The following TMEM123 variants were observed in gnomAD, a reference collection of about 807,000 sequenced individuals.
TMEM123 encodes the protein porimin.
In TMEM123, 16 loss-of-function variants were observed where a neutral mutation model predicts 19.7. That is an observed-to-expected ratio of 0.81 (90% confidence interval 0.55 to 1.23). The LOEUF (loss-of-function observed/expected upper bound fraction) is 1.23. Ranked by LOEUF, TMEM123 falls within the 50% of genes most tolerant of loss-of-function variation. TMEM123 has a pLI of 0.00. For missense variants in TMEM123, 313 were observed against 257.8 expected (o/e 1.21, Z -1.47); for synonymous variants, 118 against 99.4 (o/e 1.19, Z -1.12).
At chr11:102,446,597 T>A (rs1857885751) in intron 2 of TMEM123, among the ~76,000 whole-genome samples, 1 of 152,190 alleles carries the variant, frequency 6.6e-6, no homozygotes, top group Non-Finnish European at 1.5e-5. Context: ...ACAATTGAGT[T>A]CAACCAACCA....
In TMEM123 at chr11:102,398,900, T is replaced by C. The variant is rs370213683; in HGVS notation, c.603-9A>G. 2.5e-6 allele frequency: 4 copies of C among 1,605,838 alleles called. No homozygotes were observed. The highest frequency in any genetic ancestry group is 2.7e-5 in the African/African-American group (2 of 74,508). ...TGGCATCATGTTCATCTCTGTAATATATTAAAAGTTACAATTACTTTGTTT... is the reference window on the plus strand; with the variant it reads ...TGGCATCATGTTCATCTCTGTAATACATTAAAAGTTACAATTACTTTGTTT... On this transcript the variant is annotated splice_polypyrimidine_tract_variant and intron_variant, in intron 4 of 4. Transcript: ENST00000398136.
chr11:102,416,178 G>A (rs1952042928), intron 2 of TMEM123, among the ~76,000 whole-genome samples: 1 of 152,204 alleles, frequency 6.6e-6, no homozygotes, highest in African/African-American at 2.4e-5. Context: ...GCCTCCCAAA[G>A]TGTTGGGATT....
intron 2 of TMEM123, among the ~76,000 whole-genome samples, chr11:102,413,126 GAGTA>G (rs1565349377): frequency 2.0e-5 from 3 of 152,144 alleles, no homozygotes; most frequent in African/African-American, 7.2e-5. Context: ...TTTGATGTGA[GAGTA>G]AGCTTAAAAA....
chr11:102,400,401 G>A (rs904850056), intron 4 of TMEM123, among the ~76,000 whole-genome samples: 2 of 152,060 alleles, frequency 1.3e-5, no homozygotes, highest in African/African-American at 4.8e-5. Flanking sequence ...AAGTCTTATA[G>A]TAAACTGTCT....
chr11:102,415,293 A>G (rs1952035481), intron 2 of TMEM123, among the ~76,000 whole-genome samples: 2 of 152,198 alleles, frequency 1.3e-5, no homozygotes, highest in Non-Finnish European at 2.9e-5. Context: ...GAAAACTAAC[A>G]AAGATATTTG....
chr11:102,398,228 TA>T lies in TMEM123; in HGVS notation c.*638del, dbSNP rs1313026746. On this transcript the variant is annotated 3_prime_UTR_variant, in exon 5 of 5. Coordinates refer to ENST00000398136, the MANE Select transcript of TMEM123 (RefSeq NM_052932.3). ...GAAGTTAATAAAAATATGTGCTCCT[TA>T]ATGCTCCAATGGATCCCTAACAGGG... The T allele has an allele frequency of 1.0e-5, 2 of 193,874 alleles. No individual in the cohort carries two copies. Among genetic ancestry groups the T allele is most frequent in the Middle Eastern group, 1.9e-3 (1 of 516 alleles). 12.0% of individuals were successfully genotyped at this position (193,874 alleles called of 1,614,324 possible). A position where few individuals can be genotyped will look rare whatever the true frequency, so the allele number is the denominator to read the frequency against.
At chr11:102,445,811 A>G (rs749085435) in intron 2 of TMEM123, among the ~76,000 whole-genome samples, 34 of 152,214 alleles carry the variant, frequency 2.2e-4, no homozygotes, top group Non-Finnish European at 4.6e-4. Flanking sequence ...CATTTTTAAA[A>G]TAAGACCCTC....
At chr11:102,433,118 C>CA (rs1857728945) in intron 2 of TMEM123, among the ~76,000 whole-genome samples, 1 of 152,100 alleles carries the variant, frequency 6.6e-6, no homozygotes, top group African/African-American at 2.4e-5. Flanking sequence ...CCCACTGGGG[C>CA]ACTGCCTAGT....
At chr11:102,430,650 G>A (rs976348875) in intron 2 of TMEM123, among the ~76,000 whole-genome samples, 1 of 152,210 alleles carries the variant, frequency 6.6e-6, no homozygotes, top group African/African-American at 2.4e-5. Flanking sequence ...AACCAAAAAG[G>A]TAAGTGTGGC....
intron 2 of TMEM123, among the ~76,000 whole-genome samples, chr11:102,408,785 A>AG (rs1183416198): frequency 6.6e-6 from 1 of 152,190 alleles, no homozygotes; most frequent in Non-Finnish European, 1.5e-5. Flanking sequence ...AGAACACACT[A>AG]CTGGGATATT....
Position 102,402,136 on chromosome 11 carries a change from T to C in TMEM123, c.228A>G (p.Ser76=), listed in dbSNP as rs770921490. ...TSNSTVKPPT[S]VASDSSNTTV... ...TTGTATTACTGGAGTCTGAGGCAAC[T>C]GAAGTTGGTGGTTTCACAGTACTGT... The change falls in exon 3 of 5, where the codon TCA becomes TCG. Residue 76 remains serine, a synonymous_variant. Transcript: ENST00000398136. The C allele has an allele frequency of 3.7e-6, 6 of 1,614,056 alleles. No homozygotes were observed. Among genetic ancestry groups the C allele is most frequent in the Non-Finnish European group, 5.1e-6 (6 of 1,180,036 alleles).
At chr11:102,441,820 G>C (rs948734740) in intron 2 of TMEM123, among the ~76,000 whole-genome samples, 25 of 151,552 alleles carry the variant, frequency 1.6e-4, no homozygotes, top group Middle Eastern at 6.8e-3. Context: ...TAATAAAGAA[G>C]AAAAGAGAGA....
intron 1 of TMEM123, 53 bp downstream of exon 1, chr11:102,452,471 C>G: frequency 2.9e-6 from 4 of 1,363,922 alleles, no homozygotes; most frequent in Non-Finnish European, 3.8e-6. Flanking sequence ...ACCCAAGCCT[C>G]GGCAGCGCGC....
intron 2 of TMEM123, among the ~76,000 whole-genome samples, chr11:102,433,296 T>C (rs1435749368): frequency 1.3e-5 from 2 of 151,958 alleles, no homozygotes; most frequent in Non-Finnish European, 2.9e-5. Context: ...CTCAAGGACA[T>C]GGGAGCCCAC....
chr11:102,425,562 G>GTT (rs796386801), intron 2 of TMEM123, among the ~76,000 whole-genome samples: 13 of 118,104 alleles, frequency 1.1e-4, no homozygotes, highest in Admixed American at 1.7e-4. Flanking sequence ...CTCCAGGATT[G>GTT]TTTTTTTTTT....
intron 2 of TMEM123, among the ~76,000 whole-genome samples, chr11:102,441,670 A>G (rs904684957): frequency 6.6e-6 from 1 of 152,146 alleles, no homozygotes; most frequent in African/African-American, 2.4e-5. Context: ...AAAAGCTAGC[A>G]GAAGGCAAGA....
chr11:102,409,170 T>C (rs1951981098), intron 2 of TMEM123, among the ~76,000 whole-genome samples: 1 of 152,158 alleles, frequency 6.6e-6, no homozygotes, highest in Non-Finnish European at 1.5e-5. Flanking sequence ...TATTTTTAAA[T>C]GGGACAGTAG....
In TMEM123 at chr11:102,401,581, C is replaced by G. The variant is rs981345018; in HGVS notation, c.560G>C (p.Cys187Ser). 6.9e-6 allele frequency: 11 copies of G among 1,598,816 alleles called. No homozygotes were observed. In the African/African-American group the frequency reaches 1.4e-4, roughly 20 times the overall value. ...GCCTCTTCTTGAGTAATACATTTTG[C>G]ATCCAATGTAAAGAATAGATAAAAC... ...LGVLSILYIG[C>S]KMYYSRRGIR... The change falls in exon 4 of 5, where the codon TGC (cysteine) becomes TCC (serine). Residue 187 changes from cysteine (C) to serine (S), a missense_variant. Physicochemically the swap from Cys to Ser is moderately radical, Grantham distance 112 (BLOSUM62 -1). Coordinates refer to ENST00000398136, the MANE Select transcript of TMEM123 (RefSeq NM_052932.3).
At chr11:102,413,106 A>G (rs2135848505) in intron 2 of TMEM123, among the ~76,000 whole-genome samples, 1 of 152,330 alleles carries the variant, frequency 6.6e-6, no homozygotes, top group Admixed American at 6.5e-5. Flanking sequence ...AAAGAAAGGT[A>G]AAATGAACTT....
Sources: allele counts gnomAD v4.1 joint callset (sites outside exome capture counted in the v4.1 genomes callset), GRCh38; gene constraint gnomAD v4.1.1; transcripts MANE v1.5; gene names NCBI Gene and HGNC (gene_info 2026-07-23, HGNC 2026-07-21).